Variants in PCDHA8 observed in about 807,000 individuals in gnomAD.
PCDHA8 encodes protocadherin alpha-8.
In PCDHA8, 53 loss-of-function variants were observed where a neutral mutation model predicts 61.8. The ratio of observed to expected loss-of-function variants is 0.86; its 90% CI spans 0.69 to 1.08. The LOEUF (loss-of-function observed/expected upper bound fraction) is 1.08. PCDHA8 is among the 50% of genes least tolerant of loss of function. The pLI, the probability that PCDHA8 is intolerant of heterozygous loss-of-function variation, is 0.00. For synonymous variants in PCDHA8, 618 were observed against 556.6 expected, an observed-to-expected ratio of 1.11 and a Z score of -1.55; for missense variants, 1,293 against 1,245.0, an observed-to-expected ratio of 1.04 and a Z score of -0.58.
intron 1 of PCDHA8, among the ~76,000 whole-genome samples, chr5:140,953,877 ACCCATCAC>A (rs1252251050): frequency 6.6e-6 from 1 of 152,098 alleles, no homozygotes; most frequent in Non-Finnish European, 1.5e-5. Context: ...GCACAGATCA[ACCCATCAC>A]CTAGGTATTA....
At chr5:140,887,494 CT>C (rs1439502451) in intron 1 of PCDHA8, among the ~76,000 whole-genome samples, 1 of 152,128 alleles carries the variant, frequency 6.6e-6, no homozygotes, top group Non-Finnish European at 1.5e-5. Flanking sequence ...TGCATAGTTT[CT>C]AATAAGATGT....
At chr5:140,911,968 T>A (rs1554195054) in intron 1 of PCDHA8, among the ~76,000 whole-genome samples, 2 of 152,138 alleles carry the variant, frequency 1.3e-5, no homozygotes, top group East Asian at 3.9e-4. Flanking sequence ...TAAGGAGTAT[T>A]AACTCACATG....
At chr5:140,968,867 T>C (rs2153774451) in intron 1 of PCDHA8, 2 of 1,614,188 alleles carry the variant, frequency 1.2e-6, no homozygotes, top group Non-Finnish European at 1.7e-6. Flanking sequence ...CCCTCGGACA[T>C]ACTCTGAAAT....
At chr5:140,969,935 T>C (rs1490184904) in intron 1 of PCDHA8, among the ~76,000 whole-genome samples, 2 of 152,222 alleles carry the variant, frequency 1.3e-5, no homozygotes, top group Non-Finnish European at 2.9e-5. Context: ...TTAGACATCA[T>C]ACTGAAGCTA....
At chr5:141,004,532 C>G (rs569751588) in intron 3 of PCDHA8, among the ~76,000 whole-genome samples, 1 of 152,314 alleles carries the variant, frequency 6.6e-6, no homozygotes, top group African/African-American at 2.4e-5. Context: ...TACACACAGC[C>G]ATTAATGTCC....
At chr5:141,005,680 C>T (rs1389178600) in intron 3 of PCDHA8, among the ~76,000 whole-genome samples, 6 of 111,878 alleles carry the variant, frequency 5.4e-5, no homozygotes, top group East Asian at 2.8e-4. Flanking sequence ...CCAGCCTGGG[C>T]GACAGAGCGA....
chr5:140,926,830 G>T (rs2083580756), intron 1 of PCDHA8: 2 of 1,503,958 alleles, frequency 1.3e-6, no homozygotes, highest in Non-Finnish European at 1.8e-6. Context: ...CAGGAGTCCG[G>T]AGCATGGTCC....
rs1554158025 is a variant in PCDHA8, at chr5:140,863,249, T to G, written c.2394+19534T>G. On this transcript the variant is annotated intron_variant, in intron 1 of 3. Transcript: ENST00000531613. ...GTCCCATCGCGGGCTTTGGCGGGCGTCGAGGTCCGGGAGGCAGCGCTGGTG... is the reference window on the plus strand; with the variant it reads ...GTCCCATCGCGGGCTTTGGCGGGCGGCGAGGTCCGGGAGGCAGCGCTGGTG... The G allele has an allele frequency of 2.8e-6, 4 of 1,406,824 alleles. No homozygotes were observed. In the Admixed American group the frequency reaches 7.2e-5, roughly 25 times the overall value. The allele number at this position is 1,406,824 out of a possible 1,614,324, so 87.1% of individuals were successfully genotyped here.
At chr5:140,846,890 G>A (rs1554141524) in intron 1 of PCDHA8, among the ~76,000 whole-genome samples, 3 of 149,570 alleles carry the variant, frequency 2.0e-5, no homozygotes, top group South Asian at 2.1e-4. Context: ...TCAGAATGAC[G>A]TTGAAGTTGA....
intron 1 of PCDHA8, chr5:140,967,870 G>C (rs782622860): frequency 1.2e-6 from 2 of 1,614,152 alleles, no homozygotes; most frequent in Admixed American, 3.3e-5. Context: ...TGGTGCTCAC[G>C]GACCTGTATA....
At chr5:140,927,824 A>C in intron 1 of PCDHA8, 1 of 1,614,182 alleles carries the variant, frequency 6.2e-7, no homozygotes, top group Non-Finnish European at 8.5e-7. Context: ...GCATACATTG[A>C]GGCGAGGGAC....
intron 1 of PCDHA8, chr5:140,850,404 C>G: frequency 6.3e-7 from 1 of 1,597,970 alleles, no homozygotes; most frequent in Non-Finnish European, 8.6e-7. Context: ...AACGCGTGCC[C>G]TGGACGAAAC....
chr5:140,920,996 CAG>C (rs1554200030), intron 1 of PCDHA8, among the ~76,000 whole-genome samples: 3 of 151,876 alleles, frequency 2.0e-5, no homozygotes, highest in African/African-American at 7.3e-5. Context: ...CTTATTTTTT[CAG>C]AGTCAGGGTC....
At chr5:140,873,204 T>TAAAAG (rs2054159059) in intron 1 of PCDHA8, among the ~76,000 whole-genome samples, 1 of 152,168 alleles carries the variant, frequency 6.6e-6, no homozygotes, top group Non-Finnish European at 1.5e-5. Flanking sequence ...AAAACATTCT[T>TAAAAG]TAAGTATTAA....
chr5:140,975,244 A>G (rs934948446), intron 1 of PCDHA8, among the ~76,000 whole-genome samples: 6 of 152,120 alleles, frequency 3.9e-5, no homozygotes. Flanking sequence ...AATCCCTCTT[A>G]TGCTTCAGAT....
intron 1 of PCDHA8, chr5:140,876,058 C>T (rs781906188): frequency 6.2e-7 from 1 of 1,613,868 alleles, no homozygotes; most frequent in Middle Eastern, 1.6e-4. Context: ...TGAATTAGTT[C>T]TTCGGAAGTT....
chr5:140,846,891 T>A (rs1554141528), intron 1 of PCDHA8, among the ~76,000 whole-genome samples: 1 of 149,346 alleles, frequency 6.7e-6, no homozygotes, highest in Non-Finnish European at 1.5e-5. Flanking sequence ...CAGAATGACG[T>A]TGAAGTTGAA....
At chr5:140,881,195 A>G (rs943462031) in intron 1 of PCDHA8, 1 of 173,206 alleles carries the variant, frequency 5.8e-6, no homozygotes, top group Non-Finnish European at 1.1e-5. Context: ...ATATGTTAAC[A>G]TCTTTGTCTA....
At chr5:140,897,803 C>A (rs1285512803) in intron 1 of PCDHA8, among the ~76,000 whole-genome samples, 2 of 152,130 alleles carry the variant, frequency 1.3e-5, no homozygotes, top group Non-Finnish European at 2.9e-5. Flanking sequence ...AGAGTCCCAC[C>A]AACAGTGTAA....
Sources: gnomAD v4.1 joint callset for allele counts (sites outside exome capture counted in the v4.1 genomes callset) on GRCh38, gnomAD v4.1.1 for gene constraint, MANE v1.5 for transcripts, NCBI Gene and HGNC (gene_info 2026-07-23, HGNC 2026-07-21) for gene names.